The following LDLRAD4 variants were observed in gnomAD, a reference collection of about 807,000 sequenced individuals.
The protein encoded by LDLRAD4 is low density lipoprotein receptor class A domain containing 4.
A neutral mutation model predicts 17.0 loss-of-function variants in LDLRAD4; 5 were observed. The ratio of observed to expected loss-of-function variants is 0.29; its 90% confidence interval spans 0.15 to 0.62. The LOEUF (loss-of-function observed/expected upper bound fraction) is 0.62, where lower values mean the gene tolerates loss of function less well. LDLRAD4 is among the 20% of genes least tolerant of loss of function. The pLI is 0.84. For missense variants in LDLRAD4, 340 were observed against 424.7 expected (o/e 0.80, Z 1.75); for synonymous variants, 168 against 171.8 (o/e 0.98, Z 0.17).
intron 3 of LDLRAD4, among the ~76,000 whole-genome samples, chr18:13,469,252 T>C (rs1434158887): frequency 6.6e-6 from 1 of 152,194 alleles, no homozygotes; most frequent in African/African-American, 2.4e-5. Flanking sequence ...GGCAAAGATG[T>C]GGAGAAATTG....
intron 3 of LDLRAD4, among the ~76,000 whole-genome samples, chr18:13,567,249 C>T (rs941283125): frequency 3.9e-4 from 60 of 152,366 alleles, no homozygotes; most frequent in Non-Finnish European, 6.0e-4. Context: ...AAGACAAATA[C>T]ACACACGTAG....
At chr18:13,407,274 T>G (rs1026476276) in intron 2 of LDLRAD4, among the ~76,000 whole-genome samples, 6 of 152,206 alleles carry the variant, frequency 3.9e-5, no homozygotes, top group Non-Finnish European at 8.8e-5. Context: ...ATCTCATTTA[T>G]TATTAGAGAC....
chr18:13,237,372 C>T lies in LDLRAD4; in HGVS notation c.-467+18384C>T, dbSNP rs8094416. On this transcript the variant is annotated intron_variant, in intron 1 of 5. Transcript: ENST00000399848. Reference sequence around the variant, plus strand: ...ATAGGATGTGGCTCTCTGAGGCCACCGTAGATGGTCTCTTAGTTCCCAGAG... The same window carrying T: ...ATAGGATGTGGCTCTCTGAGGCCACTGTAGATGGTCTCTTAGTTCCCAGAG... Among the ~76,000 whole-genome samples the T allele has an allele frequency of 3.6e-3, 552 of 152,222 alleles. 6 individuals are homozygous for T. Among genetic ancestry groups the T allele is most frequent in the African/African-American group, 0.011 (469 of 41,524 alleles).
At chr18:13,593,922 G>A (rs1433691983) in intron 3 of LDLRAD4, among the ~76,000 whole-genome samples, 2 of 152,154 alleles carry the variant, frequency 1.3e-5, no homozygotes, top group South Asian at 4.1e-4. Flanking sequence ...AGACTCCAGA[G>A]TACCTGGGAG....
intron 3 of LDLRAD4, among the ~76,000 whole-genome samples, chr18:13,474,410 C>T (rs145271235): frequency 2.6e-5 from 4 of 152,330 alleles, no homozygotes; most frequent in Non-Finnish European, 5.9e-5. Context: ...AGGAGTTAGA[C>T]ACGTGTCAGA....
chr18:13,598,276 C>A (rs2095118754), intron 3 of LDLRAD4, among the ~76,000 whole-genome samples: 8 of 152,210 alleles, frequency 5.3e-5, no homozygotes, highest in Admixed American at 5.2e-4. Context: ...CCTCAGAGGG[C>A]ACAGCCTTGG....
At chr18:13,387,559 G>A (rs967285086) in exon 2 of LDLRAD4, 31 of 644,924 alleles carry the variant, frequency 4.8e-5, no homozygotes, top group South Asian at 1.4e-4. Context: ...GGTACCGCCC[G>A]CCCGCGCGAG....
chr18:13,558,833 T>C (rs116389465), intron 3 of LDLRAD4, among the ~76,000 whole-genome samples: 1,688 of 152,304 alleles, frequency 0.011, 36 homozygotes, highest in African/African-American at 0.039. Context: ...TTTCTGTTAA[T>C]AGGTGATCAA....
At chr18:13,458,648 G>A (rs141770659) in intron 3 of LDLRAD4, among the ~76,000 whole-genome samples, 34 of 152,306 alleles carry the variant, frequency 2.2e-4, no homozygotes, top group African/African-American at 8.2e-4. Context: ...ACTAGCAAAA[G>A]GGACTTTACA....
intron 3 of LDLRAD4, among the ~76,000 whole-genome samples, chr18:13,563,976 G>T (rs568367799): frequency 2.6e-5 from 4 of 151,910 alleles, no homozygotes; most frequent in Non-Finnish European, 4.4e-5. Context: ...TATAATTATA[G>T]CTCACTGCAG....
chr18:13,652,390 G>C (rs1239150126), exon 6 of LDLRAD4: 1 of 152,248 alleles, frequency 6.6e-6, no homozygotes, highest in African/African-American at 2.4e-5. Context: ...ACAGCATTTA[G>C]TTCGTTTAAT....
At chr18:13,312,842 T>C (rs2047315377) in intron 1 of LDLRAD4, among the ~76,000 whole-genome samples, 1 of 152,212 alleles carries the variant, frequency 6.6e-6, no homozygotes, top group Non-Finnish European at 1.5e-5. Context: ...TGAGATACCT[T>C]AAATAATCAT....
At chr18:13,242,590 C>T (rs2042719303) in intron 1 of LDLRAD4, among the ~76,000 whole-genome samples, 2 of 151,958 alleles carry the variant, frequency 1.3e-5, no homozygotes, top group Admixed American at 1.3e-4. Context: ...GAAATAAGAA[C>T]TAAATGCAAA....
chr18:13,595,141 C>T (rs891387200), intron 3 of LDLRAD4, among the ~76,000 whole-genome samples: 5 of 152,010 alleles, frequency 3.3e-5, no homozygotes, highest in African/African-American at 1.2e-4. Context: ...TGTCAGTCTA[C>T]TAAAGATTTC....
At chr18:13,473,638 TATATATA>T (rs1197554903) in intron 3 of LDLRAD4, among the ~76,000 whole-genome samples, 42 of 31,442 alleles carry the variant, frequency 1.3e-3, no homozygotes, top group African/African-American at 4.1e-3. Flanking sequence ...TCCCATCTCA[TATATATA>T]TATATATATA....
At chr18:13,574,682 C>T (rs1274506145) in intron 3 of LDLRAD4, among the ~76,000 whole-genome samples, 6 of 152,224 alleles carry the variant, frequency 3.9e-5, no homozygotes, top group Non-Finnish European at 2.9e-5. Flanking sequence ...TCAGTTGGCC[C>T]TCCGAAATGC....
At chr18:13,297,279 G>T (rs374732648) in intron 1 of LDLRAD4, among the ~76,000 whole-genome samples, 4 of 152,302 alleles carry the variant, frequency 2.6e-5, no homozygotes, top group South Asian at 4.1e-4. Flanking sequence ...TGAGGCCCGA[G>T]GTGGGGATCA....
chr18:13,466,343 C>T (rs987488256), intron 3 of LDLRAD4, among the ~76,000 whole-genome samples: 2 of 151,340 alleles, frequency 1.3e-5, no homozygotes, highest in African/African-American at 4.9e-5. Flanking sequence ...GGTGGCGGGT[C>T]CCTTTGGTCC....
intron 1 of LDLRAD4, among the ~76,000 whole-genome samples, chr18:13,305,932 A>G (rs993258778): frequency 1.3e-5 from 2 of 152,242 alleles, no homozygotes; most frequent in African/African-American, 4.8e-5. Flanking sequence ...TCGTTATATG[A>G]CAAAGCAAAA....
Sources: allele counts gnomAD v4.1 joint callset (sites outside exome capture counted in the v4.1 genomes callset), GRCh38; gene constraint gnomAD v4.1.1; transcripts MANE v1.5; gene names NCBI Gene and HGNC (gene_info 2026-07-23, HGNC 2026-07-21).